Variants in CTNND2 observed in about 807,000 individuals in gnomAD.
CTNND2 encodes catenin delta 2, also known as catenin delta-2.
In CTNND2, 22 loss-of-function variants were observed where a neutral mutation model predicts 144.4. The observed-to-expected ratio is 0.15, with a 90% confidence interval of 0.11 to 0.22. The LOEUF (loss-of-function observed/expected upper bound fraction) is 0.22. Among genes scored for constraint, CTNND2 ranks in the 10% least tolerant of loss-of-function variants. The probability of loss-of-function intolerance (pLI) is 1.00; values close to 1 mark genes in which losing one functional copy is unlikely to be tolerated. For missense variants in CTNND2, 1,353 were observed against 1,618.8 expected (o/e 0.84, Z 2.82); for synonymous variants, 751 against 695.6 (o/e 1.08, Z -1.25).
At chr5:11,716,671 A>ATTTG (rs1173011524) in intron 2 of CTNND2, among the ~76,000 whole-genome samples, 2 of 151,066 alleles carry the variant, frequency 1.3e-5, no homozygotes, top group African/African-American at 4.9e-5. Context: ...TTATTTACTT[A>ATTTG]TTTGTTTATT....
intron 3 of CTNND2, among the ~76,000 whole-genome samples, chr5:11,521,512 A>G (rs1246821084): frequency 1.3e-5 from 2 of 152,198 alleles, no homozygotes; most frequent in African/African-American, 2.4e-5. Context: ...TGCTCAATGC[A>G]TGTTTGTCAT....
At chr5:11,692,495 T>C (rs771885845) in intron 2 of CTNND2, among the ~76,000 whole-genome samples, 61 of 152,228 alleles carry the variant, frequency 4.0e-4, no homozygotes, top group African/African-American at 1.4e-3. Flanking sequence ...GGCAAGAGGA[T>C]ACCACGTCTG....
intron 1 of CTNND2, among the ~76,000 whole-genome samples, chr5:11,734,443 G>A (rs1787568533): frequency 6.6e-6 from 1 of 152,148 alleles, no homozygotes; most frequent in Non-Finnish European, 1.5e-5. Context: ...AGTCTCAAGA[G>A]ATCTGTAGCT....
chr5:11,056,811 T>C (rs944563237), intron 16 of CTNND2, among the ~76,000 whole-genome samples: 5 of 152,186 alleles, frequency 3.3e-5, no homozygotes, highest in Admixed American at 2.6e-4. Context: ...GCAATGCAGA[T>C]ATGTGATGCT....
chr5:11,649,643 G>C (rs1490119246), intron 2 of CTNND2, among the ~76,000 whole-genome samples: 1 of 152,170 alleles, frequency 6.6e-6, no homozygotes, highest in Non-Finnish European at 1.5e-5. Context: ...GATGAGATTG[G>C]GATAGGATTT....
chr5:11,608,736 T>G (rs56030361), intron 2 of CTNND2, among the ~76,000 whole-genome samples: 1 of 152,210 alleles, frequency 6.6e-6, no homozygotes, highest in African/African-American at 2.4e-5. Flanking sequence ...ACCCACCACC[T>G]CCAGAGTCTT....
chr5:11,314,368 A>G (rs1751294118), intron 9 of CTNND2, among the ~76,000 whole-genome samples: 1 of 152,056 alleles, frequency 6.6e-6, no homozygotes, highest in African/African-American at 2.4e-5. Flanking sequence ...TTCTTCCCCT[A>G]GAGACAGGGT....
chr5:11,762,395 C>A (rs1789316983), intron 1 of CTNND2, among the ~76,000 whole-genome samples: 1 of 152,112 alleles, frequency 6.6e-6, no homozygotes, highest in Non-Finnish European at 1.5e-5. Context: ...ATGTCTAGAG[C>A]ATGCTTCCAA....
chr5:11,742,102 A>G (rs1351171934), intron 1 of CTNND2, among the ~76,000 whole-genome samples: 1 of 152,078 alleles, frequency 6.6e-6, no homozygotes, highest in East Asian at 1.9e-4. Flanking sequence ...GGTACAGTGT[A>G]TACTGCTTGG....
intron 16 of CTNND2, among the ~76,000 whole-genome samples, chr5:11,062,028 C>T (rs2149596945): frequency 6.6e-6 from 1 of 152,252 alleles, no homozygotes; most frequent in South Asian, 2.1e-4. Context: ...ATTTTTGAGA[C>T]TATTTTCACC....
chr5:10,981,457 G>A (rs1384678372), intron 21 of CTNND2, among the ~76,000 whole-genome samples: 1 of 152,128 alleles, frequency 6.6e-6, no homozygotes, highest in Non-Finnish European at 1.5e-5. Context: ...CCTGTTTAGT[G>A]ACATCTTACA....
At chr5:11,488,394 C>A (rs947517113) in intron 3 of CTNND2, among the ~76,000 whole-genome samples, 3 of 152,138 alleles carry the variant, frequency 2.0e-5, no homozygotes, top group African/African-American at 7.2e-5. Context: ...TGAGAAAACA[C>A]TATCTAAATA....
At chr5:11,620,801 A>G (rs1780795388) in intron 2 of CTNND2, among the ~76,000 whole-genome samples, 1 of 152,160 alleles carries the variant, frequency 6.6e-6, no homozygotes, top group Admixed American at 6.5e-5. Context: ...TGTTCTTCCT[A>G]GTTCCAGGCA....
chr5:11,237,296 G>A (rs1395910909), intron 9 of CTNND2, among the ~76,000 whole-genome samples: 3 of 152,174 alleles, frequency 2.0e-5, no homozygotes, highest in Non-Finnish European at 4.4e-5. Flanking sequence ...TGGGATTACA[G>A]GCGTGAGCCA....
At chr5:11,835,088 T>C (rs1388147133) in intron 1 of CTNND2, among the ~76,000 whole-genome samples, 2 of 152,218 alleles carry the variant, frequency 1.3e-5, no homozygotes, top group East Asian at 3.9e-4. Flanking sequence ...CGGTAAGCCA[T>C]GATCACACCA....
chr5:11,419,972 A>G (rs1762236439), intron 3 of CTNND2, among the ~76,000 whole-genome samples: 1 of 152,160 alleles, frequency 6.6e-6, no homozygotes, highest in African/African-American at 2.4e-5. Flanking sequence ...TCTGCTTTTG[A>G]GTTAAGCAAT....
intron 2 of CTNND2, among the ~76,000 whole-genome samples, chr5:11,593,023 T>C (rs1779330085): frequency 6.6e-6 from 1 of 151,792 alleles, no homozygotes; most frequent in South Asian, 2.1e-4. Context: ...CTTCACCTGT[T>C]GAAAAAAAAT....
intron 12 of CTNND2, among the ~76,000 whole-genome samples, chr5:11,124,345 T>G (rs1010018144): frequency 2.2e-4 from 34 of 152,234 alleles, no homozygotes; most frequent in Admixed American, 2.2e-3. Flanking sequence ...CTCCTTTCTG[T>G]GGAGAACATC....
At chr5:11,868,632 G>A (rs1349004106) in intron 1 of CTNND2, among the ~76,000 whole-genome samples, 1 of 152,146 alleles carries the variant, frequency 6.6e-6, no homozygotes, top group Non-Finnish European at 1.5e-5. Flanking sequence ...CTGAGAGATA[G>A]GGCCTTTAAG....
Sources: gnomAD v4.1 joint callset for allele counts (sites outside exome capture counted in the v4.1 genomes callset) on GRCh38, gnomAD v4.1.1 for gene constraint, MANE v1.5 for transcripts, NCBI Gene and HGNC (gene_info 2026-07-23, HGNC 2026-07-21) for gene names.